EXOC6: variants seen among roughly 807,000 people sequenced by gnomAD.
EXOC6 encodes exocyst complex component 6, also known as SEC15-like 1.
Under a neutral mutation model 112.5 loss-of-function variants are expected in EXOC6, and 60 were observed. The observed-to-expected ratio is 0.53, with a 90% CI of 0.43 to 0.66. The LOEUF (loss-of-function observed/expected upper bound fraction) is 0.66. EXOC6 is among the 30% of genes least tolerant of loss of function. The pLI, the probability that EXOC6 is intolerant of heterozygous loss-of-function variation, is 0.00. For synonymous variants in EXOC6, 295 were observed against 308.0 expected, an observed-to-expected ratio of 0.96 and a Z score of 0.44; for missense variants, 855 against 957.1, an observed-to-expected ratio of 0.89 and a Z score of 1.41.
At chr10:92,836,522 A>C (rs1846662812) in intron 1 of EXOC6, among the ~76,000 whole-genome samples, 1 of 152,156 alleles carries the variant, frequency 6.6e-6, no homozygotes, top group African/African-American at 2.4e-5. Context: ...TGTTAGGTTA[A>C]TGTTTGGGTA....
intron 1 of EXOC6, among the ~76,000 whole-genome samples, chr10:92,827,302 C>T (rs1219351464): frequency 6.6e-6 from 1 of 151,096 alleles, no homozygotes; most frequent in Non-Finnish European, 1.5e-5. Context: ...GGAGGAATCC[C>T]ATCTCTACAA....
In EXOC6 at chr10:92,919,986, T is replaced by C; in HGVS notation, c.824T>C (p.Leu275Ser). The C allele has an allele frequency of 6.3e-7, 1 of 1,598,968 alleles. No individual in the cohort carries two copies. Among genetic ancestry groups the C allele is most frequent in the Middle Eastern group, 1.7e-4 (1 of 5,994 alleles). ...EEEDENEEEI[L>S]TVQDLVDFSP... ...TAAAAATGGTTTAATTTTCAGATCT[T>C]AACTGTTCAGGATCTTGTTGATTTT... Residue 275 changes from leucine (L) to serine (S), a missense_variant, in exon 8 of 22, where the codon TTA becomes TCA. This residue lies in a region of EXOC6 where 405 missense variants were observed against 393.6 expected (regional missense o/e 1.03). Transcript: ENST00000260762.
In EXOC6 at chr10:92,909,647, A is replaced by G. The variant is rs1850631374; in HGVS notation, c.663+16A>G. 2 of 1,501,696 alleles carry G rather than the reference A, an allele frequency of 1.3e-6. No individual in the cohort carries two copies. The highest frequency in any genetic ancestry group is 1.4e-5 in the African/African-American group (1 of 71,414). The allele number at this position is 1,501,696 out of a possible 1,614,324, so 93.0% of individuals were successfully genotyped here. On this transcript the variant is annotated intron_variant, in intron 6 of 21. Coordinates refer to ENST00000260762, the MANE Select transcript of EXOC6 (RefSeq NM_019053.6). ...AATGAAACAGGTGAGATTAAAAATA[A>G]TTTTGATTTAATATTATTTAGTAAT...
At chr10:92,984,287 A>AT (rs1195214482) in intron 18 of EXOC6, among the ~76,000 whole-genome samples, 4 of 152,002 alleles carry the variant, frequency 2.6e-5, no homozygotes, top group Non-Finnish European at 5.9e-5. Flanking sequence ...TTTAAAACAT[A>AT]TTTTTTTCCT....
intron 17 of EXOC6, among the ~76,000 whole-genome samples, chr10:92,965,538 G>A (rs1279924063): frequency 2.6e-5 from 4 of 152,078 alleles, no homozygotes; most frequent in Non-Finnish European, 5.9e-5. Context: ...TGACCTCCTG[G>A]TAAGGTCATA....
intron 8 of EXOC6, among the ~76,000 whole-genome samples, chr10:92,926,769 A>C (rs1589845734): frequency 6.6e-6 from 1 of 152,306 alleles, no homozygotes; most frequent in East Asian, 1.9e-4. Flanking sequence ...CCTGGCCTCA[A>C]GTGATCCTCC....
chr10:93,025,924 A>T (rs953158795), intron 20 of EXOC6, among the ~76,000 whole-genome samples: 1 of 152,212 alleles, frequency 6.6e-6, no homozygotes, highest in East Asian at 1.9e-4. Flanking sequence ...CCTTTCAAGG[A>T]TAACCACTAT....
chr10:92,894,320 CA>C (rs1441994101), intron 2 of EXOC6, among the ~76,000 whole-genome samples: 7 of 152,170 alleles, frequency 4.6e-5, no homozygotes, highest in Non-Finnish European at 2.9e-5. Context: ...CCTGCACCTG[CA>C]GCATTAAAAT....
At chr10:92,870,338 C>T (rs1424634834) in intron 1 of EXOC6, among the ~76,000 whole-genome samples, 1 of 152,110 alleles carries the variant, frequency 6.6e-6, no homozygotes, top group Non-Finnish European at 1.5e-5. Context: ...GCAAGAAAGG[C>T]TGTTGAATTT....
At chr10:92,878,926 T>C (rs1848816026) in intron 1 of EXOC6, among the ~76,000 whole-genome samples, 1 of 152,216 alleles carries the variant, frequency 6.6e-6, no homozygotes, top group African/African-American at 2.4e-5. Context: ...CTGAGGCCAC[T>C]TGTTAAAAAA....
chr10:92,997,579 G>T lies in EXOC6; in HGVS notation c.2059G>T (p.Val687Phe). The change falls in exon 19 of 22, where the codon GTT becomes TTT. Residue 687 changes from valine (V) to phenylalanine (F), a missense_variant. This residue lies in a region of EXOC6 where 450 missense variants were observed against 563.5 expected (regional missense o/e 0.80). Transcript: ENST00000260762. ...SELKQISMGA[V>F]QQFNLDVIQC... ...GTTAAAACAAATAAGCATGGGAGCT[G>T]TTCAGCAGTTTAACTTAGATGTCAT... The T allele has an allele frequency of 6.2e-7, 1 of 1,612,782 alleles. No homozygotes were observed. Among genetic ancestry groups the T allele is most frequent in the South Asian group, 1.1e-5 (1 of 90,852 alleles).
At chr10:92,995,963 G>T (rs1023991969) in intron 18 of EXOC6, among the ~76,000 whole-genome samples, 1 of 152,102 alleles carries the variant, frequency 6.6e-6, no homozygotes, top group African/African-American at 2.4e-5. Context: ...TAAGCATCTT[G>T]AAAATGTATT....
At chr10:92,833,224 C>T (rs1729045562), upstream of EXOC6, among the ~76,000 whole-genome samples, 1 of 152,128 alleles carries the variant, frequency 6.6e-6, no homozygotes, top group Non-Finnish European at 1.5e-5. Context: ...TCAGTTGGGG[C>T]TTGGCTCATC....
In EXOC6 at chr10:92,939,792, T is replaced by C. The variant is rs114432912; in HGVS notation, c.1213-935T>C. Among the ~76,000 whole-genome samples the C allele has an allele frequency of 4.0e-3, 614 of 152,248 alleles. 2 individuals are homozygous for C. Among genetic ancestry groups the C allele is most frequent in the African/African-American group, 0.014 (583 of 41,556 alleles). On this transcript the variant is annotated intron_variant, in intron 12 of 21. Coordinates refer to ENST00000260762, the MANE Select transcript of EXOC6 (RefSeq NM_019053.6). ...AGAACAAGAAGAGTGATTGGTGTTATAGAATTCAAAGCAGAGGAATTTCAA... is the reference window on the plus strand; with the variant it reads ...AGAACAAGAAGAGTGATTGGTGTTACAGAATTCAAAGCAGAGGAATTTCAA...
chr10:93,030,155 G>A (rs1248684734), intron 20 of EXOC6, among the ~76,000 whole-genome samples: 1 of 152,172 alleles, frequency 6.6e-6, no homozygotes, highest in Non-Finnish European at 1.5e-5. Context: ...TGATCTGCCT[G>A]CCTCGACCTC....
In EXOC6 at chr10:92,858,106, AT is replaced by A. The variant is rs575129040; in HGVS notation, c.101+9473del. Among the ~76,000 whole-genome samples, 6 of 145,066 alleles carry A rather than the reference AT, an allele frequency of 4.1e-5. No homozygotes were observed. The South Asian group carries it at 1.1e-3, about 28-fold the overall frequency. ...ATTTCTGATGAGAAGTCAGCTGTTA[AT>A]CTTATTGGAATTCCCTTATGTAATC... On this transcript the variant is annotated intron_variant, in intron 1 of 21. Transcript: ENST00000260762.
chr10:92,934,469 GT>G (rs1387277175), intron 11 of EXOC6, 39 bp downstream of exon 11: 4 of 1,504,446 alleles, frequency 2.7e-6, no homozygotes, highest in Non-Finnish European at 3.5e-6. Context: ...TTTTAATTCA[GT>G]TACTTCAAGA....
chr10:92,870,713 CTT>C (rs35387359), intron 1 of EXOC6, among the ~76,000 whole-genome samples: 15 of 143,094 alleles, frequency 1.0e-4, no homozygotes, highest in Non-Finnish European at 7.7e-5. Flanking sequence ...TAGGTGTTAT[CTT>C]TTTTTTTTTT....
chr10:92,972,347 A>G (rs558895383), intron 17 of EXOC6, among the ~76,000 whole-genome samples: 42 of 152,268 alleles, frequency 2.8e-4, no homozygotes, highest in African/African-American at 7.2e-4. Flanking sequence ...TTAATTGCAA[A>G]ACAAAAAAGT....
Sources: gnomAD v4.1 joint callset for allele counts (sites outside exome capture counted in the v4.1 genomes callset) on GRCh38, gnomAD v4.1.1 for gene constraint, gnomAD v4.1.1 regional missense constraint, MANE v1.5 for transcripts, NCBI Gene and HGNC (gene_info 2026-07-23, HGNC 2026-07-21) for gene names.